The following EFEMP1 variants were observed in gnomAD, a reference collection of about 807,000 sequenced individuals.
EFEMP1 encodes EGF-containing fibulin-like extracellular matrix protein 1.
EFEMP1 carries 18 observed loss-of-function variants against 65.7 expected under a neutral mutation model. The ratio of observed to expected loss-of-function variants is 0.27; its 90% CI spans 0.19 to 0.41. The LOEUF is 0.41. Ranked by LOEUF, EFEMP1 falls within the 10% of genes least tolerant of loss-of-function variation. The probability of loss-of-function intolerance (pLI) is 1.00; values close to 1 mark genes in which losing one functional copy is unlikely to be tolerated. For synonymous variants in EFEMP1, 237 were observed against 219.7 expected, an observed-to-expected ratio of 1.08 and a Z score of -0.70; for missense variants, 469 against 624.8, an observed-to-expected ratio of 0.75 and a Z score of 2.66.
At chr2:55,878,799 T>C (rs17047290) in intron 6 of EFEMP1, among the ~76,000 whole-genome samples, 36,780 of 152,124 alleles carry the variant, frequency 0.24, 6,543 homozygotes, top group African/African-American at 0.5. Flanking sequence ...TGGTCTTAAC[T>C]TCTCGAGCTT....
chr2:55,917,560 A>AT lies in EFEMP1; in HGVS notation c.517+104dup. Reference sequence around the variant, plus strand: ...ATATAATGCAGACAAAGCACTTAGCATGATGTCTGGCACGCGAGAAGTCCT... The same window carrying AT: ...ATATAATGCAGACAAAGCACTTAGCATTGATGTCTGGCACGCGAGAAGTCCT... On this transcript the variant is annotated intron_variant, in intron 5 of 11. Coordinates refer to ENST00000355426, the MANE Select transcript of EFEMP1 (RefSeq NM_001039348.3). The surrounding 1 kb of genome is among the most constrained non-coding windows in gnomAD (Gnocchi z 6.3). 7.1e-7 allele frequency: 1 copy of AT among 1,408,642 alleles called. No individual in the cohort carries two copies. Among genetic ancestry groups the AT allele is most frequent in the South Asian group, 1.2e-5 (1 of 86,120 alleles). 87.3% of individuals were successfully genotyped at this position (1,408,642 alleles called of 1,614,324 possible). A position where few individuals can be genotyped will look rare whatever the true frequency, so the allele number is the denominator to read the frequency against.
At chr2:55,884,802 A>G (rs182342520) in intron 5 of EFEMP1, among the ~76,000 whole-genome samples, 4 of 152,230 alleles carry the variant, frequency 2.6e-5, no homozygotes, top group Admixed American at 2.6e-4. Context: ...CAGTTAATAA[A>G]TTTCCTGGGA....
chr2:55,900,734 G>C (rs1460019163), intron 5 of EFEMP1, among the ~76,000 whole-genome samples: 1 of 152,110 alleles, frequency 6.6e-6, no homozygotes, highest in African/African-American at 2.4e-5. Flanking sequence ...GATGTGGCTG[G>C]CAGCTGTCCC....
intron 5 of EFEMP1, among the ~76,000 whole-genome samples, chr2:55,904,545 C>T (rs1055153130): frequency 6.6e-6 from 1 of 152,140 alleles, no homozygotes; most frequent in African/African-American, 2.4e-5. Flanking sequence ...TAATCTAGTC[C>T]ATTGAAAGCC....
rs1670726241 is a variant in EFEMP1 at position 55,917,161 on chromosome 2, C to A, written c.517+504G>T. Among the ~76,000 whole-genome samples, 1 of 152,202 alleles carries A rather than the reference C, an allele frequency of 6.6e-6. No individual in the cohort carries two copies. Among genetic ancestry groups the A allele is most frequent in the Non-Finnish European group, 1.5e-5 (1 of 68,042 alleles). ...CCAAAGGGGTACATCTGTAGAGTAG[C>A]TTGACAGCATAATTTCAAATTCCCA... On this transcript the variant is annotated intron_variant, in intron 5 of 11. Transcript: ENST00000355426. This position sits in a 1 kb window ranked among gnomAD's most constrained non-coding sequence, Gnocchi z 6.3.
At chr2:55,900,794 T>C (rs1375578075) in intron 5 of EFEMP1, among the ~76,000 whole-genome samples, 1 of 152,182 alleles carries the variant, frequency 6.6e-6, no homozygotes, top group Admixed American at 6.5e-5. Context: ...GTTAAATTGG[T>C]TTCTACCTTT....
chr2:55,889,113 A>C (rs901326868), intron 5 of EFEMP1, among the ~76,000 whole-genome samples: 5 of 152,198 alleles, frequency 3.3e-5, no homozygotes, highest in African/African-American at 1.2e-4. Flanking sequence ...AAGTCTCTGG[A>C]GCCCAAAGCA....
rs541171707 is a variant in EFEMP1, at chr2:55,877,339, T to C, written c.760+407A>G. ...TTTCCATGTCATGCCAATCTTTTAA[T>C]TGTGTGCCGTGACATTGCATTCTGA... is the stretch of plus-strand genomic sequence containing the variant. On this transcript the variant is annotated intron_variant, in intron 7 of 11. Transcript: ENST00000355426. The surrounding 1 kb of genome is among the most constrained non-coding windows in gnomAD (Gnocchi z 4.5). Among the ~76,000 whole-genome samples the C allele has an allele frequency of 1.2e-4, 18 of 152,288 alleles. No homozygotes were observed. Among genetic ancestry groups the C allele is most frequent in the African/African-American group, 4.3e-4 (18 of 41,576 alleles).
Position 55,917,611 on chromosome 2 carries a change from C to T in EFEMP1, c.517+54G>A, listed in dbSNP as rs1670745474. The T allele has an allele frequency of 6.8e-6, 11 of 1,611,078 alleles. No homozygotes were observed. Among genetic ancestry groups the T allele is most frequent in the South Asian group, 3.3e-5 (3 of 90,796 alleles). On this transcript the variant is annotated intron_variant, in intron 5 of 11. Coordinates refer to ENST00000355426, the MANE Select transcript of EFEMP1 (RefSeq NM_001039348.3). The surrounding 1 kb of genome is among the most constrained non-coding windows in gnomAD (Gnocchi z 6.3). ...TAATAAATTATCATCATCCTCACCACGAGGTGCACTTGGGCAAAAGCTTTC... is the reference window on the plus strand; with the variant it reads ...TAATAAATTATCATCATCCTCACCATGAGGTGCACTTGGGCAAAAGCTTTC...
chr2:55,871,239 T>C lies in EFEMP1; in HGVS notation c.1001-116A>G, dbSNP rs962600213. On this transcript the variant is annotated intron_variant, in intron 9 of 11. Coordinates refer to ENST00000355426, the MANE Select transcript of EFEMP1 (RefSeq NM_001039348.3). The surrounding 1 kb of genome is among the most constrained non-coding windows in gnomAD (Gnocchi z 4.2). ...AGGAGGTGTGAGAGCATCTGGACTGTGTTCAACCTGCTTTTAGACACAAGA... is the reference window on the plus strand; with the variant it reads ...AGGAGGTGTGAGAGCATCTGGACTGCGTTCAACCTGCTTTTAGACACAAGA... 2.1e-6 allele frequency: 3 copies of C among 1,419,114 alleles called. No individual in the cohort carries two copies. Among genetic ancestry groups the C allele is most frequent in the Admixed American group, 3.5e-5 (2 of 56,864 alleles). 87.9% of individuals were successfully genotyped at this position (1,419,114 alleles called of 1,614,324 possible).
At position 55,917,526 on chromosome 2, in the gene EFEMP1, G is replaced by A. The variant is rs1186259778; in HGVS notation, c.517+139C>T. On this transcript the variant is annotated intron_variant, in intron 5 of 11. Coordinates refer to ENST00000355426, the MANE Select transcript of EFEMP1 (RefSeq NM_001039348.3). The surrounding 1 kb of genome is among the most constrained non-coding windows in gnomAD (Gnocchi z 6.3). Reference sequence around the variant, plus strand: ...AGCAACTACCCTTTAGGAATATTGTGATGATTAAATATAATGCAGACAAAG... The same window carrying A: ...AGCAACTACCCTTTAGGAATATTGTAATGATTAAATATAATGCAGACAAAG... 2.7e-6 allele frequency: 3 copies of A among 1,114,562 alleles called. No homozygotes were observed. Among genetic ancestry groups the A allele is most frequent in the African/African-American group, 1.5e-5 (1 of 65,186 alleles). The allele number at this position is 1,114,562 out of a possible 1,614,324, so 69.0% of individuals were successfully genotyped here. A position where few individuals can be genotyped will look rare whatever the true frequency, so the allele number is the denominator to read the frequency against.
At position 55,870,944 on chromosome 2, in the gene EFEMP1, G is replaced by T. The variant is rs371636553; in HGVS notation, c.1125-29C>A. The T allele has an allele frequency of 1.7e-5, 27 of 1,613,620 alleles. No individual in the cohort carries two copies. The highest frequency in any genetic ancestry group is 1.9e-5 in the Non-Finnish European group (23 of 1,179,780). On this transcript the variant is annotated intron_variant, in intron 10 of 11. Transcript: ENST00000355426. The surrounding 1 kb of genome is among the most constrained non-coding windows in gnomAD (Gnocchi z 5.8). ...CAGAGACAAACAAAAGTATTCAGCA[G>T]TTTGGCTTGGTAAGACCAGAAAATC...
At chr2:55,882,858 T>A (rs2104394249) in intron 5 of EFEMP1, among the ~76,000 whole-genome samples, 1 of 152,164 alleles carries the variant, frequency 6.6e-6, no homozygotes, top group Non-Finnish European at 1.5e-5. Context: ...TGTGGCAGAC[T>A]CATGGTAGTA....
chr2:55,876,507 T>G, intron 8 of EFEMP1, 116 bp downstream of exon 8: 1 of 1,459,902 alleles, frequency 6.8e-7, no homozygotes, highest in Non-Finnish European at 9.3e-7. Context: ...AACTGGATTT[T>G]AGAACAGAAT....
Position 55,923,162 on chromosome 2 carries a change from G to A in EFEMP1, c.-48-223C>T, listed in dbSNP as rs1198483030. On this transcript the variant is annotated intron_variant, in intron 1 of 11. Coordinates refer to ENST00000355426, the MANE Select transcript of EFEMP1 (RefSeq NM_001039348.3). The surrounding 1 kb of genome is among the most constrained non-coding windows in gnomAD (Gnocchi z 5.3). ...AAGTCCCAGGTTGTGTGGAGGGGCA[G>A]CCCAAAGCGACTGATTCTCTTTTGT... Among the ~76,000 whole-genome samples the A allele has an allele frequency of 6.6e-6, 1 of 152,168 alleles. No individual in the cohort carries two copies. The highest frequency in any genetic ancestry group is 1.9e-4 in the East Asian group (1 of 5,182).
At chr2:55,911,761 AC>A (rs1670490242) in intron 5 of EFEMP1, among the ~76,000 whole-genome samples, 1 of 151,920 alleles carries the variant, frequency 6.6e-6, no homozygotes, top group Admixed American at 6.6e-5. Context: ...GATCATACTG[AC>A]CTCTTCTATC....
rs1049275297 is a variant in EFEMP1, at chr2:55,883,759, C to T, written c.518-2025G>A. 6.6e-6 allele frequency among the ~76,000 whole-genome samples: 1 copy of T among 152,132 alleles called. No homozygotes were observed. The highest frequency in any genetic ancestry group is 1.5e-5 in the Non-Finnish European group (1 of 68,016). ...TCTTAGTGTCTGATAAATAGGCTAA[C>T]ATTTCCAGTGGAATTAATGTATCAT... On this transcript the variant is annotated intron_variant, in intron 5 of 11. Transcript: ENST00000355426. The surrounding 1 kb of genome is among the most constrained non-coding windows in gnomAD (Gnocchi z 4.5).
At chr2:55,879,305 G>A (rs933912354) in intron 6 of EFEMP1, among the ~76,000 whole-genome samples, 1 of 152,148 alleles carries the variant, frequency 6.6e-6, no homozygotes, top group Non-Finnish European at 1.5e-5. Context: ...CTAATTAAGA[G>A]CAATTTTAGC....
intron 5 of EFEMP1, among the ~76,000 whole-genome samples, chr2:55,899,337 A>AGCCT (rs2104421951): frequency 1.3e-5 from 2 of 152,336 alleles, no homozygotes; most frequent in South Asian, 2.1e-4. Context: ...CCTTGTAAGA[A>AGCCT]AGGTGGTGTG....
Sources: gnomAD v4.1 joint callset for allele counts (sites outside exome capture counted in the v4.1 genomes callset) on GRCh38, gnomAD v4.1.1 for gene constraint, Gnocchi (gnomAD v3.1) non-coding constraint, MANE v1.5 for transcripts, NCBI Gene and HGNC (gene_info 2026-07-23, HGNC 2026-07-21) for gene names.